GALNTL6: variants seen among roughly 807,000 people sequenced by gnomAD.
GALNTL6 encodes the protein polypeptide N-acetylgalactosaminyltransferase like 6.
A neutral mutation model predicts 73.7 loss-of-function variants in GALNTL6; 46 were observed. The observed-to-expected ratio is 0.62, with a 90% CI of 0.49 to 0.80. GALNTL6 has a LOEUF of 0.80. GALNTL6 is among the 30% of genes least tolerant of loss of function. The pLI is 0.00. For missense variants in GALNTL6, 604 were observed against 755.0 expected, an observed-to-expected ratio of 0.80 and a Z score of 2.34; for synonymous variants, 259 against 263.7, an observed-to-expected ratio of 0.98 and a Z score of 0.17.
rs141158694 is a variant in GALNTL6, at chr4:173,016,633, T to C, written c.1489-4843T>C. 6.5e-3 allele frequency among the ~76,000 whole-genome samples: 983 copies of C among 152,324 alleles called. 14 individuals carry two copies. The highest frequency in any genetic ancestry group is 0.022 in the African/African-American group (932 of 41,570). On this transcript the variant is annotated intron_variant, in intron 11 of 12. Coordinates refer to ENST00000506823, the MANE Select transcript of GALNTL6 (RefSeq NM_001034845.3). Reference sequence around the variant, plus strand: ...TGTTTACCCAATGCCTGTACCCACATTGTATCTAGGAATAACCAACTTGCA... The same window carrying C: ...TGTTTACCCAATGCCTGTACCCACACTGTATCTAGGAATAACCAACTTGCA...
At chr4:172,269,157 T>A (rs1328275656) in intron 3 of GALNTL6, among the ~76,000 whole-genome samples, 1 of 152,094 alleles carries the variant, frequency 6.6e-6, no homozygotes, top group African/African-American at 2.4e-5. Context: ...AGCCACTGCT[T>A]TGGATTATAC....
intron 2 of GALNTL6, among the ~76,000 whole-genome samples, chr4:171,976,608 C>G (rs193106797): frequency 2.0e-5 from 3 of 152,186 alleles, no homozygotes; most frequent in Non-Finnish European, 4.4e-5. Context: ...AATTACTATA[C>G]TACGCACTAT....
chr4:172,098,123 T>A (rs952564060), intron 2 of GALNTL6, among the ~76,000 whole-genome samples: 2 of 152,140 alleles, frequency 1.3e-5, no homozygotes. Flanking sequence ...GCATTTCCTA[T>A]GTATTAAAAA....
At chr4:172,240,474 A>G (rs977205390) in intron 3 of GALNTL6, among the ~76,000 whole-genome samples, 9 of 151,206 alleles carry the variant, frequency 6.0e-5, no homozygotes, top group African/African-American at 2.2e-4. Flanking sequence ...CTCGTGATCC[A>G]CCCACCTCAA....
chr4:172,318,754 G>T (rs1207818383), intron 4 of GALNTL6, among the ~76,000 whole-genome samples: 1 of 93,166 alleles, frequency 1.1e-5, no homozygotes, highest in Non-Finnish European at 2.0e-5. Context: ...AAAAAGAAAG[G>T]CTGAATGAGG....
chr4:172,150,617 C>T (rs1465734272), intron 2 of GALNTL6, among the ~76,000 whole-genome samples: 1 of 151,958 alleles, frequency 6.6e-6, no homozygotes, highest in Non-Finnish European at 1.5e-5. Flanking sequence ...GTAAAACAAC[C>T]CTTGGTGGAT....
chr4:172,335,477 G>T (rs1014501938), intron 4 of GALNTL6, among the ~76,000 whole-genome samples: 1 of 152,152 alleles, frequency 6.6e-6, no homozygotes, highest in Admixed American at 6.5e-5. Context: ...GTTAGGGAGA[G>T]GTCCCTCTTC....
intron 5 of GALNTL6, among the ~76,000 whole-genome samples, chr4:172,392,164 T>C (rs1179791779): frequency 6.6e-6 from 1 of 152,018 alleles, no homozygotes; most frequent in Non-Finnish European, 1.5e-5. Context: ...AATTTTCATA[T>C]TTTTAGTAGA....
chr4:172,686,900 T>C lies in GALNTL6; in HGVS notation c.554-122461T>C, dbSNP rs147921784. Among the ~76,000 whole-genome samples the C allele has an allele frequency of 7.5e-3, 1,138 of 152,324 alleles. 12 individuals carry two copies. Among genetic ancestry groups the C allele is most frequent in the African/African-American group, 0.026 (1,084 of 41,560 alleles). On this transcript the variant is annotated intron_variant, in intron 5 of 12. Coordinates refer to ENST00000506823, the MANE Select transcript of GALNTL6 (RefSeq NM_001034845.3). ...CAGTCTCACACACATAATACAATTG[T>C]AATAATATAAAAATTCCTTATAGGA...
intron 2 of GALNTL6, among the ~76,000 whole-genome samples, chr4:171,882,881 A>G (rs895849070): frequency 1.3e-5 from 2 of 152,230 alleles, no homozygotes; most frequent in Non-Finnish European, 2.9e-5. Flanking sequence ...CCGTTGTAGA[A>G]GGACTTTCCA....
At chr4:172,024,042 T>C (rs1202971573) in intron 2 of GALNTL6, among the ~76,000 whole-genome samples, 1 of 151,916 alleles carries the variant, frequency 6.6e-6, no homozygotes, top group Admixed American at 6.6e-5. Flanking sequence ...TGAAAATGCC[T>C]ATCATATTTC....
intron 2 of GALNTL6, among the ~76,000 whole-genome samples, chr4:171,979,069 T>C (rs1351837175): frequency 6.6e-6 from 1 of 152,184 alleles, no homozygotes; most frequent in African/African-American, 2.4e-5. Flanking sequence ...CAGGTCACTT[T>C]GCTTACTTCA....
rs567687604 is a variant in GALNTL6, at chr4:171,946,437, T to C, written c.138+131719T>C. Reference sequence around the variant, plus strand: ...CTTAAGCAATTCCTGGGTAGAGTTTTCTACCTCTCCTTAACCAGCCAGTTC... The same window carrying C: ...CTTAAGCAATTCCTGGGTAGAGTTTCCTACCTCTCCTTAACCAGCCAGTTC... On this transcript the variant is annotated intron_variant, in intron 2 of 12. Coordinates refer to ENST00000506823, the MANE Select transcript of GALNTL6 (RefSeq NM_001034845.3). Among the ~76,000 whole-genome samples, 224 of 152,292 alleles carry C rather than the reference T, an allele frequency of 1.5e-3. 1 individual carries two copies. In the Middle Eastern group the frequency reaches 0.02, roughly 14 times the overall value.
intron 2 of GALNTL6, among the ~76,000 whole-genome samples, chr4:172,142,067 C>A (rs1733818032): frequency 1.3e-5 from 2 of 151,874 alleles, no homozygotes; most frequent in African/African-American, 2.4e-5. Flanking sequence ...TCAGAAAAAA[C>A]TAGAAAGATG....
chr4:172,876,167 A>G (rs1006947915), intron 7 of GALNTL6, among the ~76,000 whole-genome samples: 19 of 152,348 alleles, frequency 1.2e-4, no homozygotes, highest in Admixed American at 1.0e-3. Flanking sequence ...CATATGAAGT[A>G]AGCAGCAAAA....
chr4:172,816,855 C>G (rs2111009369), intron 7 of GALNTL6, among the ~76,000 whole-genome samples: 1 of 151,964 alleles, frequency 6.6e-6, no homozygotes, highest in South Asian at 2.1e-4. Flanking sequence ...GCCTGTATTC[C>G]CAGCATTTTG....
intron 2 of GALNTL6, among the ~76,000 whole-genome samples, chr4:172,088,952 G>A (rs1334116707): frequency 6.6e-6 from 1 of 152,178 alleles, no homozygotes; most frequent in African/African-American, 2.4e-5. Context: ...AGTAGGGTTG[G>A]TAGCTATGGA....
intron 5 of GALNTL6, among the ~76,000 whole-genome samples, chr4:172,807,569 A>G (rs56215708): frequency 0.013 from 2,027 of 152,248 alleles, 43 homozygotes; most frequent in African/African-American, 0.045. Context: ...GAAGGGAAAA[A>G]CAATCCCCTA....
chr4:173,038,214 G>C (rs977191317), intron 12 of GALNTL6, among the ~76,000 whole-genome samples: 5 of 152,218 alleles, frequency 3.3e-5, no homozygotes, highest in African/African-American at 1.2e-4. Flanking sequence ...AAATGTATTA[G>C]ATCCGTGTAG....
Sources: allele counts gnomAD v4.1 joint callset (sites outside exome capture counted in the v4.1 genomes callset), GRCh38; gene constraint gnomAD v4.1.1; transcripts MANE v1.5; gene names NCBI Gene and HGNC (gene_info 2026-07-23, HGNC 2026-07-21).